The following STOML3 variants were observed in gnomAD, a reference collection of about 807,000 sequenced individuals.
STOML3 encodes stomatin-like protein 3.
STOML3 carries 31 observed loss-of-function variants against 29.5 expected under a neutral mutation model. That is an observed-to-expected ratio of 1.05 (90% CI 0.79 to 1.42). The LOEUF (loss-of-function observed/expected upper bound fraction) is 1.42, where lower values mean the gene tolerates loss of function less well. Ranked by LOEUF, STOML3 falls within the 40% of genes most tolerant of loss-of-function variation. STOML3 has a pLI of 0.00. For missense variants in STOML3, 380 were observed against 363.0 expected (o/e 1.05, Z -0.38); for synonymous variants, 122 against 139.8 (o/e 0.87, Z 0.90).
intron 1 of STOML3, among the ~76,000 whole-genome samples, chr13:38,983,108 A>G (rs950711472): frequency 6.6e-6 from 1 of 152,152 alleles, no homozygotes; most frequent in African/African-American, 2.4e-5. Context: ...CCTCAAAATC[A>G]TCTTCAGAGA....
intron 1 of STOML3, among the ~76,000 whole-genome samples, chr13:38,977,859 G>T (rs187851575): frequency 0.034 from 4,921 of 143,978 alleles, 295 homozygotes; most frequent in African/African-American, 0.12. Flanking sequence ...TCCCGGGTTC[G>T]CGCCATTCTC....
At chr13:38,984,155 C>T (rs958644354) in intron 1 of STOML3, among the ~76,000 whole-genome samples, 7 of 152,236 alleles carry the variant, frequency 4.6e-5, no homozygotes, top group East Asian at 1.9e-4. Context: ...TTTCAAGTAG[C>T]AGGACTTTTG....
At position 38,973,841 on chromosome 13, in the gene STOML3, T is replaced by A. The variant is rs559740746; in HGVS notation, c.230-1247A>T. On this transcript the variant is annotated intron_variant, in intron 3 of 6. Coordinates refer to ENST00000379631, the MANE Select transcript of STOML3 (RefSeq NM_145286.3). ...AGTTTTCTTATAATAAAGATACTTATGTAACAGATTCAAGTAATAGATTTG... is the reference window on the plus strand; with the variant it reads ...AGTTTTCTTATAATAAAGATACTTAAGTAACAGATTCAAGTAATAGATTTG... Among the ~76,000 whole-genome samples the A allele has an allele frequency of 9.8e-5, 15 of 152,334 alleles. No individual in the cohort carries two copies. The South Asian group carries it at 3.1e-3, about 32-fold the overall frequency.
At chr13:38,976,043 C>T (rs1279855734) in intron 3 of STOML3, among the ~76,000 whole-genome samples, 8 of 152,144 alleles carry the variant, frequency 5.3e-5, no homozygotes, top group Non-Finnish European at 8.8e-5. Flanking sequence ...TGGCCAAAGG[C>T]GCCGTACAAT....
rs1014768659 is a variant in STOML3, at chr13:38,990,737, C to T, written c.-16G>A. The T allele has an allele frequency of 6.2e-7, 1 of 1,613,030 alleles. No homozygotes were observed. ...TAGAATCCATCTCATTCTTGAGAAG[C>T]TTTTATACTTGGCAATTTTTCATGG... On this transcript the variant is annotated 5_prime_UTR_variant, in exon 1 of 7. Transcript: ENST00000379631.
Position 38,968,417 on chromosome 13 carries a change from G to C in STOML3, c.634C>G (p.Arg212Gly), listed in dbSNP as rs202111076. 3 of 1,613,982 alleles carry C rather than the reference G, an allele frequency of 1.9e-6. No individual in the cohort carries two copies. Among genetic ancestry groups the C allele is most frequent in the Non-Finnish European group, 8.5e-7 (1 of 1,180,002 alleles). ...RSMAAEAEAT[R>G]EARAKVLAAE... ...ACACTTACCTTGGCTCTCGCTTCCC[G>C]GGTGGCCTCAGCCTCGGCTGCCATG... The change falls in exon 6 of 7, where the codon CGG (arginine) becomes GGG (glycine). Residue 212 changes from arginine to glycine, a missense_variant. Transcript: ENST00000379631.
At chr13:38,968,588 T>G (rs1401011464) in intron 5 of STOML3, 54 bp from the exon 6 acceptor site, 2 of 1,598,386 alleles carry the variant, frequency 1.3e-6, no homozygotes, top group Admixed American at 3.4e-5. Flanking sequence ...ATATGATGTA[T>G]GTTTCTGATA....
chr13:38,966,530 C>A lies in STOML3; in HGVS notation c.*295G>T. On this transcript the variant is annotated 3_prime_UTR_variant, in exon 7 of 7. Coordinates refer to ENST00000379631, the MANE Select transcript of STOML3 (RefSeq NM_145286.3). The stretch of plus-strand genomic sequence containing the variant: ...ATTAGTCATAGTCACCCAATGATTT[C>A]TTCTCATACTACCAGAAAGTTCCTG... 4.2e-6 allele frequency: 1 copy of A among 239,662 alleles called. No individual in the cohort carries two copies. Among genetic ancestry groups the A allele is most frequent in the Non-Finnish European group, 8.1e-6 (1 of 124,068 alleles). The allele number at this position is 239,662 out of a possible 1,614,324, so 14.8% of individuals were successfully genotyped here. A position where few individuals can be genotyped will look rare whatever the true frequency, so the allele number is the denominator to read the frequency against.
At chr13:38,968,555 A>T (rs1236665768) in intron 5 of STOML3, 21 bp from the exon 6 acceptor site, 7 of 1,613,080 alleles carry the variant, frequency 4.3e-6, no homozygotes, top group Non-Finnish European at 5.9e-6. Flanking sequence ...ATTAAAAGGG[A>T]AGACTAATAA....
intron 4 of STOML3, among the ~76,000 whole-genome samples, chr13:38,971,063 G>T (rs989905764): frequency 5.3e-5 from 8 of 150,836 alleles, no homozygotes; most frequent in Non-Finnish European, 1.2e-4. Flanking sequence ...GATGGAGTTT[G>T]GCTCCGTCAC....
intron 1 of STOML3, 138 bp from the exon 2 acceptor site, chr13:38,976,935 A>G: frequency 4.4e-6 from 3 of 680,428 alleles, no homozygotes; most frequent in East Asian, 2.7e-5. Context: ...CATTTACACC[A>G]TGGATGTAGT....
chr13:38,985,930 TTTTG>T (rs1449300513), intron 1 of STOML3, among the ~76,000 whole-genome samples: 2 of 144,416 alleles, frequency 1.4e-5, no homozygotes, highest in Non-Finnish European at 3.0e-5. Context: ...TTTTTTTTTT[TTTTG>T]TTTGAGAGAG....
chr13:38,985,580 G>T (rs146458299), intron 1 of STOML3, among the ~76,000 whole-genome samples: 1 of 151,900 alleles, frequency 6.6e-6, no homozygotes, highest in South Asian at 2.1e-4. Flanking sequence ...AAAATACTTC[G>T]TCCTTGAGAT....
At chr13:38,987,712 T>A (rs1297446535) in intron 1 of STOML3, among the ~76,000 whole-genome samples, 4 of 133,612 alleles carry the variant, frequency 3.0e-5, no homozygotes, top group Non-Finnish European at 4.6e-5. Context: ...ATATATTATA[T>A]ATATTAATTC....
intron 1 of STOML3, among the ~76,000 whole-genome samples, chr13:38,988,503 A>ATATGATATTTTATATCATATATTTTAT: frequency 9.9e-6 from 1 of 101,512 alleles, no homozygotes; most frequent in Non-Finnish European, 1.8e-5. Context: ...TTTTATATAT[A>ATATGATATTTTATATCATATATTTTAT]ATATATTTTA....
chr13:38,977,750 A>ATTT lies in STOML3; in HGVS notation c.53-956_53-954dup, dbSNP rs397851686. 6.3e-4 allele frequency among the ~76,000 whole-genome samples: 53 copies of ATTT among 84,240 alleles called. 2 individuals are homozygous for ATTT. Among genetic ancestry groups the ATTT allele is most frequent in the South Asian group, 2.2e-3 (4 of 1,860 alleles). The allele number at this position is 84,240 out of a possible 152,430, so 55.3% of individuals were successfully genotyped here. On this transcript the variant is annotated intron_variant, in intron 1 of 6. Coordinates refer to ENST00000379631, the MANE Select transcript of STOML3 (RefSeq NM_145286.3). ...ATTATATAATTTCTGAAGTCTCCGG[A>ATTT]TTTTTTTTTTTTTTTTTTTTTTTTT...
intron 4 of STOML3, among the ~76,000 whole-genome samples, chr13:38,971,577 C>T (rs914300687): frequency 1.8e-4 from 27 of 152,162 alleles, no homozygotes; most frequent in South Asian, 4.1e-4. Flanking sequence ...TTCCTCTTCC[C>T]TATTGCTGAG....
intron 4 of STOML3, among the ~76,000 whole-genome samples, chr13:38,971,051 G>C (rs1207176613): frequency 7.0e-6 from 1 of 142,130 alleles, no homozygotes; most frequent in African/African-American, 2.9e-5. Context: ...TTTTTTTTTT[G>C]AGATGGAGTT....
rs34447882 is a variant in STOML3 at position 38,976,569 on chromosome 13, C to A, written c.200G>T (p.Arg67Leu). The change falls in exon 3 of 7, where the codon CGC (arginine) becomes CTC (leucine). Residue 67 changes from arginine (R) to leucine (L), a missense_variant. Physicochemically the swap from Arg to Leu is moderately radical, Grantham distance 102. Coordinates refer to ENST00000379631, the MANE Select transcript of STOML3 (RefSeq NM_145286.3). ...CCCCTTGGCTTTGTCAGCTTGGATGCGTCCCAGACGGAATACAACAGCACG... is the reference window on the plus strand; with the variant it reads ...CCCCTTGGCTTTGTCAGCTTGGATGAGTCCCAGACGGAATACAACAGCACG... ...YERAVVFRLG[R>L]IQADKAKGPG... The A allele has an allele frequency of 6.0e-4, 972 of 1,614,124 alleles. 6 individuals carry two copies. In the African/African-American group the frequency reaches 0.012, roughly 19 times the overall value.
Sources: allele counts gnomAD v4.1 joint callset (sites outside exome capture counted in the v4.1 genomes callset), GRCh38; gene constraint gnomAD v4.1.1; transcripts MANE v1.5; gene names NCBI Gene and HGNC (gene_info 2026-07-23, HGNC 2026-07-21).